Variants in CERS6 observed in about 807,000 individuals in gnomAD.
CERS6 encodes ceramide synthase 6.
In CERS6, 26 loss-of-function variants were observed where a neutral mutation model predicts 56.8. The observed-to-expected ratio is 0.46, with a 90% CI of 0.34 to 0.63. The LOEUF (loss-of-function observed/expected upper bound fraction) is 0.63. Among genes scored for constraint, CERS6 ranks in the 30% least tolerant of loss-of-function variants. The pLI is 0.01. For synonymous variants in CERS6, 164 were observed against 173.3 expected (o/e 0.95, Z 0.42); for missense variants, 415 against 467.5 (o/e 0.89, Z 1.04).
intron 4 of CERS6, among the ~76,000 whole-genome samples, chr2:168,684,966 A>G (rs1686309729): frequency 6.6e-6 from 1 of 152,202 alleles, no homozygotes. Flanking sequence ...TAAGGTTTAA[A>G]TATAACTCAG....
chr2:168,618,892 A>G (rs1684390806), intron 3 of CERS6, among the ~76,000 whole-genome samples: 1 of 152,222 alleles, frequency 6.6e-6, no homozygotes, highest in South Asian at 2.1e-4. Context: ...TAAAATTTAT[A>G]TGGAACCAAA....
At chr2:168,658,917 C>T (rs1376737935) in intron 4 of CERS6, among the ~76,000 whole-genome samples, 1 of 152,202 alleles carries the variant, frequency 6.6e-6, no homozygotes, top group African/African-American at 2.4e-5. Context: ...ATGGTGCCAT[C>T]AGCTTCTATC....
At chr2:168,588,190 G>A (rs1683589670) in intron 3 of CERS6, among the ~76,000 whole-genome samples, 1 of 151,850 alleles carries the variant, frequency 6.6e-6, no homozygotes, top group East Asian at 1.9e-4. Flanking sequence ...AAAATGTTGG[G>A]ATTACAGGCA....
intron 4 of CERS6, among the ~76,000 whole-genome samples, chr2:168,647,561 A>T (rs994897608): frequency 2.6e-5 from 4 of 152,012 alleles, no homozygotes; most frequent in Admixed American, 2.6e-4. Flanking sequence ...GTTGAATAGG[A>T]GTGGTGAGAG....
chr2:168,615,887 A>C (rs2105278414), intron 3 of CERS6, among the ~76,000 whole-genome samples: 1 of 152,324 alleles, frequency 6.6e-6, no homozygotes, highest in Admixed American at 6.5e-5. Flanking sequence ...GAAATTCATC[A>C]CAAAAAGATC....
rs116623726 is a variant in CERS6 at position 168,467,646 on chromosome 2, T to G, written c.170+11028T>G. Among the ~76,000 whole-genome samples, 1,208 of 152,338 alleles carry G rather than the reference T, an allele frequency of 7.9e-3. 21 individuals carry two copies. The highest frequency in any genetic ancestry group is 0.028 in the African/African-American group (1,144 of 41,576). The stretch of plus-strand genomic sequence containing the variant: ...CACCTGTGCAGTAATAGACAACATA[T>G]TCTCTCAAATTTGGTGTCCTCTCTT... On this transcript the variant is annotated intron_variant, in intron 1 of 9. Coordinates refer to ENST00000305747, the MANE Select transcript of CERS6 (RefSeq NM_203463.3).
At chr2:168,651,527 A>G (rs539084414) in intron 4 of CERS6, among the ~76,000 whole-genome samples, 37 of 152,368 alleles carry the variant, frequency 2.4e-4, no homozygotes, top group African/African-American at 8.4e-4. Flanking sequence ...ATTGACTCAC[A>G]GTTCCACATG....
At chr2:168,623,737 T>C (rs1684526868) in intron 3 of CERS6, among the ~76,000 whole-genome samples, 1 of 152,206 alleles carries the variant, frequency 6.6e-6, no homozygotes, top group Non-Finnish European at 1.5e-5. Context: ...CATTAAAGAA[T>C]ACTATACTCA....
chr2:168,652,115 T>C (rs1685358053), intron 4 of CERS6, among the ~76,000 whole-genome samples: 1 of 152,006 alleles, frequency 6.6e-6, no homozygotes, highest in Non-Finnish European at 1.5e-5. Flanking sequence ...GTCAGTATTG[T>C]AAATTGCAGT....
intron 8 of CERS6, among the ~76,000 whole-genome samples, chr2:168,748,654 T>G (rs768946594): frequency 1.3e-5 from 2 of 152,182 alleles, no homozygotes; most frequent in Non-Finnish European, 2.9e-5. Context: ...GTCCAAGGCT[T>G]GCCAGCAAAT....
intron 4 of CERS6, among the ~76,000 whole-genome samples, chr2:168,683,374 G>A (rs945497951): frequency 6.6e-6 from 1 of 152,062 alleles, no homozygotes; most frequent in East Asian, 1.9e-4. Flanking sequence ...ATTTTTGTTT[G>A]ATGTGTTGCC....
intron 1 of CERS6, among the ~76,000 whole-genome samples, chr2:168,470,933 G>A (rs540641321): frequency 6.6e-6 from 1 of 150,838 alleles, no homozygotes; most frequent in East Asian, 2.0e-4. Flanking sequence ...AACAGTGCTA[G>A]GAAATTCCAG....
At chr2:168,758,841 C>G (rs1349955415) in intron 8 of CERS6, among the ~76,000 whole-genome samples, 1 of 152,090 alleles carries the variant, frequency 6.6e-6, no homozygotes, top group Non-Finnish European at 1.5e-5. Context: ...AGACTGCAGT[C>G]CTCAGGTTGC....
chr2:168,602,432 T>C (rs1683956445), intron 3 of CERS6, among the ~76,000 whole-genome samples: 1 of 152,236 alleles, frequency 6.6e-6, no homozygotes, highest in South Asian at 2.1e-4. Context: ...TTAATCCAAG[T>C]CTTTATAGCT....
intron 3 of CERS6, among the ~76,000 whole-genome samples, chr2:168,607,946 A>G (rs944319575): frequency 6.6e-6 from 1 of 152,160 alleles, no homozygotes; most frequent in Non-Finnish European, 1.5e-5. Context: ...TCTTTAATGT[A>G]TGTTCCATCC....
intron 1 of CERS6, among the ~76,000 whole-genome samples, chr2:168,465,831 T>TA (rs1159262075): frequency 5.3e-5 from 8 of 152,148 alleles, no homozygotes; most frequent in Non-Finnish European, 8.8e-5. Context: ...ACAGTGCACT[T>TA]AACAATGGTT....
At chr2:168,546,683 T>C (rs1230540823) in intron 1 of CERS6, among the ~76,000 whole-genome samples, 1 of 152,246 alleles carries the variant, frequency 6.6e-6, no homozygotes, top group African/African-American at 2.4e-5. Flanking sequence ...TTAATTTGGG[T>C]AATACTTTCA....
intron 4 of CERS6, among the ~76,000 whole-genome samples, chr2:168,649,323 C>T (rs1158062732): frequency 6.6e-6 from 1 of 152,128 alleles, no homozygotes; most frequent in Non-Finnish European, 1.5e-5. Context: ...AGGTCGTGGG[C>T]TTCCTTATCC....
At chr2:168,713,811 C>G (rs1171447623) in intron 6 of CERS6, among the ~76,000 whole-genome samples, 2 of 151,660 alleles carry the variant, frequency 1.3e-5, no homozygotes, top group East Asian at 3.9e-4. Context: ...TGTGTAGGTC[C>G]TATCAGAAGA....
Sources: allele counts gnomAD v4.1 joint callset (sites outside exome capture counted in the v4.1 genomes callset), GRCh38; gene constraint gnomAD v4.1.1; transcripts MANE v1.5; gene names NCBI Gene and HGNC (gene_info 2026-07-23, HGNC 2026-07-21).